AP4B1: variants seen among roughly 807,000 people sequenced by gnomAD.
The protein encoded by AP4B1 is AP-4 complex subunit beta-1.
A neutral mutation model predicts 76.5 loss-of-function variants in AP4B1; 49 were observed. The ratio of observed to expected loss-of-function variants is 0.64; its 90% CI spans 0.51 to 0.81. The LOEUF (loss-of-function observed/expected upper bound fraction) is 0.81, where lower values mean the gene tolerates loss of function less well. Among genes scored for constraint, AP4B1 ranks in the 40% least tolerant of loss-of-function variants. The pLI, the probability that AP4B1 is intolerant of heterozygous loss-of-function variation, is 0.00. For missense variants in AP4B1, 911 were observed against 904.9 expected (o/e 1.01, Z -0.09); for synonymous variants, 330 against 333.3 (o/e 0.99, Z 0.11).
At chr1:113,899,760 T>C (rs1667971322) in intron 5 of AP4B1, 144 bp downstream of exon 5, 1 of 1,337,700 alleles carries the variant, frequency 7.5e-7, no homozygotes. Context: ...CCCCCGTGTT[T>C]GTAGTCACTG....
rs766434944 is a variant in AP4B1, at chr1:113,904,625, A to C, written c.93T>G (p.Asn31Lys). The change falls in exon 1 of 10, where the codon AAT becomes AAG. Residue 31 changes from asparagine to lysine, a missense_variant. Asn to Lys is a moderately conservative substitution (Grantham distance 94). Coordinates refer to ENST00000369569, the MANE Select transcript of AP4B1 (RefSeq NM_001253852.3). Reference sequence around the variant, plus strand: ...GATACCTAATCACTCGCTGGATGACATTCCGGTAGCGCAGCCTATCAGCTT... The same window carrying C: ...GATACCTAATCACTCGCTGGATGACCTTCCGGTAGCGCAGCCTATCAGCTT... Reference protein sequence around the residue: ...HIQADRLRYRNVIQRVIRYMT... With the variant: ...HIQADRLRYRKVIQRVIRYMT... The C allele has an allele frequency of 6.2e-7, 1 of 1,613,918 alleles. No individual in the cohort carries two copies. Among genetic ancestry groups the C allele is most frequent in the East Asian group, 2.2e-5 (1 of 44,878 alleles).
At chr1:113,898,497 C>T (rs1418472272) in intron 6 of AP4B1, among the ~76,000 whole-genome samples, 12 of 152,162 alleles carry the variant, frequency 7.9e-5, no homozygotes, top group Non-Finnish European at 1.5e-5. Context: ...ATCCTAGTAG[C>T]CTTCATTATC....
At chr1:113,897,484 C>T (rs1316758254) in intron 7 of AP4B1, 4 of 353,708 alleles carry the variant, frequency 1.1e-5, no homozygotes, top group Non-Finnish European at 5.5e-6. Context: ...AGCTACTCTA[C>T]TCAGGAGGCT....
chr1:113,895,503 C>T lies in AP4B1; in HGVS notation c.1793-11G>A. The T allele has an allele frequency of 3.1e-6, 5 of 1,614,100 alleles. No homozygotes were observed. The highest frequency in any genetic ancestry group is 4.2e-6 in the Non-Finnish European group (5 of 1,179,996). ...CAGGAATCAAGGGTCCTAAAAGAGACAGAAAACTTGTGTGAAAGATGTTCT... is the reference window on the plus strand; with the variant it reads ...CAGGAATCAAGGGTCCTAAAAGAGATAGAAAACTTGTGTGAAAGATGTTCT... On this transcript the variant is annotated splice_polypyrimidine_tract_variant and intron_variant, in intron 9 of 9. Transcript: ENST00000369569.
chr1:113,896,787 T>C (rs1025066646), intron 7 of AP4B1: 8 of 392,742 alleles, frequency 2.0e-5, no homozygotes, highest in Non-Finnish European at 3.3e-5. Flanking sequence ...TTTCTCTAAA[T>C]TTTTCACAAA....
intron 1 of AP4B1, among the ~76,000 whole-genome samples, chr1:113,904,358 G>A (rs1228719501): frequency 1.3e-5 from 2 of 152,238 alleles, no homozygotes; most frequent in Non-Finnish European, 2.9e-5. Flanking sequence ...GTCTGTACTA[G>A]CTATATTATA....
In AP4B1 at chr1:113,898,812, A is replaced by G. The variant is rs1182557996; in HGVS notation, c.1115-11T>C. 1 of 1,602,798 alleles carries G rather than the reference A, an allele frequency of 6.2e-7. No homozygotes were observed. Among genetic ancestry groups the G allele is most frequent in the Non-Finnish European group, 8.5e-7 (1 of 1,176,650 alleles). On this transcript the variant is annotated splice_polypyrimidine_tract_variant and intron_variant, in intron 5 of 9. Coordinates refer to ENST00000369569, the MANE Select transcript of AP4B1 (RefSeq NM_001253852.3). Reference sequence around the variant, plus strand: ...TCCTGGCAATGCCACCTACAAAAGAAGGGAAAGCAGAGAAAACTGCTAAGT... The same window carrying G: ...TCCTGGCAATGCCACCTACAAAAGAGGGGAAAGCAGAGAAAACTGCTAAGT...
At chr1:113,903,768 C>T (rs1668608199) in intron 1 of AP4B1, among the ~76,000 whole-genome samples, 1 of 152,144 alleles carries the variant, frequency 6.6e-6, no homozygotes, top group South Asian at 2.1e-4. Context: ...ACAGCTTGTT[C>T]CTTGGGTGCT....
rs1354254364 is a variant in AP4B1, at chr1:113,901,329, A to G, written c.524T>C (p.Val175Ala). ...YSLLRDQDPI[V>A]VVNCLRSLEE... ...TAGAGACCTCAAGCAGTTCACAACT[A>G]CAATTGGATCCTGGTCACGCAGCAA... Residue 175 changes from valine (V) to alanine (A), a missense_variant, in exon 4 of 10, where the codon GTA becomes GCA. Coordinates refer to ENST00000369569, the MANE Select transcript of AP4B1 (RefSeq NM_001253852.3). The G allele has an allele frequency of 4.3e-6, 7 of 1,614,134 alleles. No homozygotes were observed. The highest frequency in any genetic ancestry group is 5.9e-6 in the Non-Finnish European group (7 of 1,179,988).
intron 4 of AP4B1, 148 bp downstream of exon 4, chr1:113,901,088 C>T: frequency 8.5e-7 from 1 of 1,181,308 alleles, no homozygotes; most frequent in South Asian, 1.4e-5. Context: ...GCTTAGACAA[C>T]AAGAGCAAAA....
At chr1:113,904,388 A>G (rs532280142) in intron 1 of AP4B1, among the ~76,000 whole-genome samples, 16 of 152,356 alleles carry the variant, frequency 1.1e-4, no homozygotes, top group African/African-American at 3.1e-4. Flanking sequence ...GTCACCAGTA[A>G]TTGCTCAAGC....
At position 113,895,331 on chromosome 1, in the gene AP4B1, A is replaced by C; in HGVS notation, c.1954T>G (p.Phe652Val). ...GCCATCTGGAGGGTGTCAGGATGGA[A>C]TTCTCCCCGCCAAGGCAACACTTGC... ...HQQVLPWRGE[F>V]HPDTLQMALQ... is the part of the protein sequence containing the mutation. The change falls in exon 10 of 10, where the codon TTC (phenylalanine) becomes GTC (valine). Residue 652 changes from phenylalanine to valine, a missense_variant. Physicochemically the swap from Phe to Val is conservative, Grantham distance 50. Transcript: ENST00000369569. 1 of 1,614,178 alleles carries C rather than the reference A, an allele frequency of 6.2e-7. No homozygotes were observed. The highest frequency in any genetic ancestry group is 8.5e-7 in the Non-Finnish European group (1 of 1,180,020).
intron 2 of AP4B1, 170 bp from the exon 3 acceptor site, chr1:113,902,055 TTTC>T (rs1395763426): frequency 6.9e-6 from 6 of 871,408 alleles, no homozygotes; most frequent in Non-Finnish European, 1.1e-5. Flanking sequence ...TTTCTGTTTT[TTTC>T]TTGTTTTTTT....
At chr1:113,898,077 T>C (rs1667715334) in intron 6 of AP4B1, 134 bp from the exon 7 acceptor site, 12 of 1,485,974 alleles carry the variant, frequency 8.1e-6, no homozygotes, top group Non-Finnish European at 1.1e-5. Context: ...GTGTGGTCAA[T>C]GGTTATCTAA....
chr1:113,899,989 C>T lies in AP4B1; in HGVS notation c.1029G>A (p.Glu343=). The T allele has an allele frequency of 6.2e-7, 1 of 1,614,192 alleles. No homozygotes were observed. Among genetic ancestry groups the T allele is most frequent in the Non-Finnish European group, 8.5e-7 (1 of 1,180,024 alleles). Reference sequence around the variant, plus strand: ...GCTCCTCTAGCACCTGCTGCACATTCTCATCGTTCACCAGTTCACACAGCA... The same window carrying T: ...GCTCCTCTAGCACCTGCTGCACATTTTCATCGTTCACCAGTTCACACAGCA... ...VEVLCELVND[E]NVQQVLEELR... Residue 343 remains glutamate (E), a synonymous_variant, in exon 5 of 10, where the codon GAG becomes GAA. Coordinates refer to ENST00000369569, the MANE Select transcript of AP4B1 (RefSeq NM_001253852.3).
Position 113,896,371 on chromosome 1 carries a change from G to A in AP4B1, c.1397C>T (p.Ser466Leu), listed in dbSNP as rs767747484. The part of the protein sequence containing the change: ...VLEDFVENVK[S>L]ETFPAVKMEL... ...CATCTTAACAGCTGGAAATGTTTCC[G>A]ACTTCACATTCTCAACAAAGTCCTC... Residue 466 changes from serine (S) to leucine (L), a missense_variant, in exon 8 of 10, where the codon TCG becomes TTG. Ser to Leu is a moderately radical substitution (Grantham distance 145). Transcript: ENST00000369569. 5.0e-6 allele frequency: 8 copies of A among 1,614,202 alleles called. No homozygotes were observed. The highest frequency in any genetic ancestry group is 2.2e-5 in the East Asian group (1 of 44,890).
chr1:113,902,497 G>T (rs528594952), intron 2 of AP4B1, 141 bp downstream of exon 2: 3 of 839,058 alleles, frequency 3.6e-6, no homozygotes, highest in Admixed American at 4.4e-5. Context: ...CCAAAGCAGT[G>T]GCTGAAAATC....
intron 2 of AP4B1, chr1:113,902,113 C>T (rs1300196420): frequency 3.7e-6 from 2 of 542,100 alleles, no homozygotes; most frequent in Admixed American, 2.8e-5. Flanking sequence ...GATCATAGCT[C>T]ACTGCTGCCT....
intron 8 of AP4B1, 92 bp downstream of exon 8, chr1:113,896,166 C>T (rs962850145): frequency 6.9e-6 from 11 of 1,593,700 alleles, no homozygotes; most frequent in Admixed American, 1.7e-5. Context: ...ATTTTCTTCT[C>T]GGGTCCCAGA....
Sources: gnomAD v4.1 joint callset for allele counts (sites outside exome capture counted in the v4.1 genomes callset) on GRCh38, gnomAD v4.1.1 for gene constraint, MANE v1.5 for transcripts, NCBI Gene and HGNC (gene_info 2026-07-23, HGNC 2026-07-21) for gene names.